LARP1: variants seen among roughly 807,000 people sequenced by gnomAD.
The protein encoded by LARP1 is La ribonucleoprotein 1, translational regulator, also known as la-related protein 1.
LARP1 carries 36 observed loss-of-function variants against 122.7 expected under a neutral mutation model. That is an observed-to-expected ratio of 0.29 (90% confidence interval 0.22 to 0.39). The LOEUF is 0.39. Ranked by LOEUF, LARP1 falls within the 10% of genes least tolerant of loss-of-function variation. LARP1 has a pLI of 1.00. For missense variants in LARP1, 1,040 were observed against 1,403.6 expected (o/e 0.74, Z 4.14); for synonymous variants, 539 against 528.7 (o/e 1.02, Z -0.27).
chr5:154,779,682 A>G (rs1031124821), intron 1 of LARP1, among the ~76,000 whole-genome samples: 4 of 151,646 alleles, frequency 2.6e-5, no homozygotes, highest in Non-Finnish European at 4.4e-5. Context: ...CTAATTTTGT[A>G]TTTTTAGTAG....
intron 1 of LARP1, among the ~76,000 whole-genome samples, chr5:154,724,846 G>T (rs954269390): frequency 2.0e-5 from 3 of 151,984 alleles, no homozygotes; most frequent in Non-Finnish European, 2.9e-5. Context: ...TTTGCATTTT[G>T]TGTATAGATG....
intron 1 of LARP1, among the ~76,000 whole-genome samples, chr5:154,739,757 G>A (rs1215611902): frequency 6.6e-6 from 1 of 152,134 alleles, no homozygotes; most frequent in African/African-American, 2.4e-5. Context: ...ATTCAGATGA[G>A]GATTCTAAGA....
intron 1 of LARP1, among the ~76,000 whole-genome samples, chr5:154,701,622 CTTT>C (rs70981938): frequency 3.7e-5 from 5 of 135,410 alleles, no homozygotes; most frequent in South Asian, 2.4e-4. Flanking sequence ...GGGAAACTTT[CTTT>C]TTTTTTTTTT....
intron 1 of LARP1, among the ~76,000 whole-genome samples, chr5:154,697,120 G>T (rs1561531420): frequency 2.0e-5 from 3 of 152,004 alleles, no homozygotes. Context: ...AAATTCAACA[G>T]AATTGTTTTA....
chr5:154,764,948 T>A (rs1754807444), intron 1 of LARP1, among the ~76,000 whole-genome samples: 1 of 151,594 alleles, frequency 6.6e-6, no homozygotes, highest in Non-Finnish European at 1.5e-5. Flanking sequence ...TATGTCCAGA[T>A]CTAAATGCTT....
In LARP1 at chr5:154,783,098, G is replaced by A. The variant is rs1756588252; in HGVS notation, c.437-7227G>A. Among the ~76,000 whole-genome samples, 9 of 152,304 alleles carry A rather than the reference G, an allele frequency of 5.9e-5. No homozygotes were observed. The South Asian group carries it at 1.9e-3, about 32-fold the overall frequency. On this transcript the variant is annotated intron_variant, in intron 1 of 18. Coordinates refer to ENST00000518297, the MANE Select transcript of LARP1 (RefSeq NM_033551.3). ...GCCTGCCTCACCCTCCCTTCAGATG[G>A]TATTGCTGCCTTCCACAGTCAGGGT... is the stretch of plus-strand genomic sequence containing the variant.
chr5:154,790,308 C>A lies in LARP1; in HGVS notation c.437-17C>A. 3.1e-6 allele frequency: 5 copies of A among 1,610,266 alleles called. No homozygotes were observed. Among genetic ancestry groups the A allele is most frequent in the Non-Finnish European group, 3.4e-6 (4 of 1,177,898 alleles). On this transcript the variant is annotated splice_polypyrimidine_tract_variant and intron_variant, in intron 1 of 18. Coordinates refer to ENST00000518297, the MANE Select transcript of LARP1 (RefSeq NM_033551.3). ...CATGGGCTTTGCATTACTAACTCTCCCTTCTTGTTCCCACAGAACACTCTG... is the reference window on the plus strand; with the variant it reads ...CATGGGCTTTGCATTACTAACTCTCACTTCTTGTTCCCACAGAACACTCTG...
chr5:154,786,453 A>G (rs17116430), intron 1 of LARP1: 6,841 of 456,122 alleles, frequency 0.015, 296 homozygotes, highest in South Asian at 0.077. Context: ...TCTGGGACAG[A>G]AGGTGGTTTT....
Position 154,737,849 on chromosome 5 carries a change from C to G in LARP1, c.205+24719C>G, listed in dbSNP as rs147477205. On this transcript the variant is annotated intron_variant, in intron 1 of 18. Coordinates refer to the LARP1 transcript ENST00000336314. ...TTGTGAATGAGCTATCCTCATTGTTCCAGCTTTCCAGCTCTGCTCTAACCA... is the reference window on the plus strand; with the variant it reads ...TTGTGAATGAGCTATCCTCATTGTTGCAGCTTTCCAGCTCTGCTCTAACCA... 2.5e-3 allele frequency among the ~76,000 whole-genome samples: 377 copies of G among 152,144 alleles called. 3 individuals carry two copies. The highest frequency in any genetic ancestry group is 8.5e-3 in the African/African-American group (352 of 41,524).
intron 1 of LARP1, among the ~76,000 whole-genome samples, chr5:154,691,626 T>TCG (rs1561528029): frequency 5.9e-5 from 9 of 152,186 alleles, no homozygotes; most frequent in African/African-American, 1.9e-4. Context: ...CATGAAGGTC[T>TCG]GCACAAGGTC....
rs1418421257 is a variant in LARP1, at chr5:154,779,894, T to G, written c.437-10431T>G. 3.3e-5 allele frequency among the ~76,000 whole-genome samples: 5 copies of G among 152,132 alleles called. No homozygotes were observed. In the East Asian group the frequency reaches 9.7e-4, roughly 29 times the overall value. On this transcript the variant is annotated intron_variant, in intron 1 of 18. Transcript: ENST00000518297. ...GGAGTCTGCAGGTGGGGCAGCACCC[T>G]GGCTGCTGAGCCTGTCCTGTCTCCA...
intron 1 of LARP1, among the ~76,000 whole-genome samples, chr5:154,684,403 T>C (rs1753828423): frequency 6.6e-6 from 1 of 152,022 alleles, no homozygotes; most frequent in African/African-American, 2.4e-5. Context: ...GCCCCTATAC[T>C]CTAGCCTGGG....
At chr5:154,697,787 A>G (rs1231264939) in intron 1 of LARP1, among the ~76,000 whole-genome samples, 1 of 152,138 alleles carries the variant, frequency 6.6e-6, no homozygotes, top group African/African-American at 2.4e-5. Context: ...AGACTAAGGG[A>G]TAATAGCTAA....
intron 1 of LARP1, among the ~76,000 whole-genome samples, chr5:154,775,664 C>T (rs1426491612): frequency 6.6e-6 from 1 of 152,212 alleles, no homozygotes; most frequent in African/African-American, 2.4e-5. Flanking sequence ...CCCCACCTGG[C>T]AGGTGAACTA....
chr5:154,785,660 C>A (rs1259205334), intron 1 of LARP1, among the ~76,000 whole-genome samples: 1 of 152,130 alleles, frequency 6.6e-6, no homozygotes, highest in Non-Finnish European at 1.5e-5. Flanking sequence ...GGCCCTCTGA[C>A]TTTCCTAGGT....
intron 1 of LARP1, among the ~76,000 whole-genome samples, chr5:154,693,367 A>G (rs1056950211): frequency 5.3e-5 from 8 of 152,072 alleles, no homozygotes; most frequent in Admixed American, 3.9e-4. Context: ...CAGGTTTCTA[A>G]AGACAAAAAA....
intron 4 of LARP1, 98 bp from the exon 5 acceptor site, chr5:154,793,497 T>G (rs1757499477): frequency 1.3e-6 from 2 of 1,481,606 alleles, no homozygotes; most frequent in Non-Finnish European, 1.9e-6. Flanking sequence ...GATTGTGATT[T>G]GGGCCCAAGT....
At chr5:154,772,664 G>A (rs1210558683) in intron 1 of LARP1, among the ~76,000 whole-genome samples, 1 of 152,128 alleles carries the variant, frequency 6.6e-6, no homozygotes, top group Non-Finnish European at 1.5e-5. Flanking sequence ...ATGTGAATGT[G>A]GTCTCCTTCT....
chr5:154,777,092 A>G (rs923462960), intron 1 of LARP1, among the ~76,000 whole-genome samples: 2 of 152,238 alleles, frequency 1.3e-5, no homozygotes, highest in Non-Finnish European at 2.9e-5. Context: ...CTATGGACTT[A>G]GGTTGTATAG....
Sources: gnomAD v4.1 joint callset for allele counts (sites outside exome capture counted in the v4.1 genomes callset) on GRCh38, gnomAD v4.1.1 for gene constraint, MANE v1.5 for transcripts, NCBI Gene and HGNC (gene_info 2026-07-23, HGNC 2026-07-21) for gene names.